Variants in NRG2 observed in about 807,000 individuals in gnomAD.
The protein encoded by NRG2 is pro-neuregulin-2, membrane-bound isoform.
Under a neutral mutation model 73.9 loss-of-function variants are expected in NRG2, and 27 were observed. The observed-to-expected ratio is 0.37, with a 90% CI of 0.27 to 0.50. The LOEUF is 0.50. NRG2 is among the 20% of genes least tolerant of loss of function. The probability of loss-of-function intolerance (pLI) is 0.96; values close to 1 mark genes in which losing one functional copy is unlikely to be tolerated. For missense variants in NRG2, 1,126 were observed against 1,210.1 expected (o/e 0.93, Z 1.03); for synonymous variants, 532 against 541.0 (o/e 0.98, Z 0.23).
rs115265328 is a variant in NRG2 at position 139,852,696 on chromosome 5, G to A, written c.1417-137C>T. The A allele has an allele frequency of 5.3e-4, 754 of 1,426,798 alleles. 3 individuals are homozygous for A. In the African/African-American group the frequency reaches 9.5e-3, roughly 18 times the overall value. 88.4% of individuals were successfully genotyped at this position (1,426,798 alleles called of 1,614,324 possible). On this transcript the variant is annotated intron_variant, in intron 7 of 9. Transcript: ENST00000361474. The surrounding 1 kb of genome is among the most constrained non-coding windows in gnomAD (Gnocchi z 4.4). ...ACTGTGTGAGAGTGACTTGATGTTG[G>A]GGCAGCGATGGCTCCAGCAAATCAA...
chr5:139,909,401 A>G (rs1765447154), intron 1 of NRG2, among the ~76,000 whole-genome samples: 1 of 152,182 alleles, frequency 6.6e-6, no homozygotes, highest in Non-Finnish European at 1.5e-5. Flanking sequence ...CTTGGGAACC[A>G]TGCTGAAGTT....
intron 1 of NRG2, among the ~76,000 whole-genome samples, chr5:139,979,966 C>T: frequency 6.6e-6 from 1 of 152,136 alleles, no homozygotes; most frequent in Non-Finnish European, 1.5e-5. Context: ...TGTGAAAATA[C>T]TCTGTTGGAA....
In NRG2 at chr5:139,853,154, T is replaced by C; in HGVS notation, c.1293-127A>G. ...GGTGGCCATGGCTACTGCTCGTCCC[T>C]GTACTCAAGCTGCCCTACAGCATCA... On this transcript the variant is annotated intron_variant, in intron 6 of 9. Coordinates refer to ENST00000361474, the MANE Select transcript of NRG2 (RefSeq NM_004883.3). The surrounding 1 kb of genome is among the most constrained non-coding windows in gnomAD (Gnocchi z 4.1). 2 of 1,298,312 alleles carry C rather than the reference T, an allele frequency of 1.5e-6. No homozygotes were observed. The highest frequency in any genetic ancestry group is 2.1e-6 in the Non-Finnish European group (2 of 934,688). The allele number at this position is 1,298,312 out of a possible 1,614,324, so 80.4% of individuals were successfully genotyped here. A position where few individuals can be genotyped will look rare whatever the true frequency, so the allele number is the denominator to read the frequency against.
At chr5:139,918,406 A>C (rs1418519724) in intron 1 of NRG2, among the ~76,000 whole-genome samples, 1 of 152,210 alleles carries the variant, frequency 6.6e-6, no homozygotes, top group Admixed American at 6.5e-5. Flanking sequence ...GCTAAAAAAA[A>C]CTAAAGATGA....
chr5:140,026,646 GAAAAT>G (rs1054132177), intron 1 of NRG2, among the ~76,000 whole-genome samples: 2 of 152,068 alleles, frequency 1.3e-5, no homozygotes, highest in African/African-American at 4.8e-5. Flanking sequence ...AAGAAAGAAA[GAAAAT>G]AAAAGTTCCA....
intron 1 of NRG2, among the ~76,000 whole-genome samples, chr5:139,924,774 G>C (rs180882176): frequency 3.3e-5 from 5 of 152,314 alleles, no homozygotes; most frequent in Non-Finnish European, 7.3e-5. Flanking sequence ...CTTGGCACAG[G>C]CTCCCTCAGC....
intron 1 of NRG2, among the ~76,000 whole-genome samples, chr5:140,037,654 A>T (rs897883790): frequency 6.6e-6 from 1 of 152,234 alleles, no homozygotes; most frequent in Admixed American, 6.5e-5. Context: ...TCACGCCTGT[A>T]ATCCAAGCAC....
intron 1 of NRG2, among the ~76,000 whole-genome samples, chr5:139,950,648 C>G (rs1259642435): frequency 2.6e-5 from 4 of 152,222 alleles, no homozygotes; most frequent in Non-Finnish European, 5.9e-5. Context: ...CAAATACTTT[C>G]CACACGCCAG....
chr5:139,932,003 C>T (rs35740825), intron 1 of NRG2, among the ~76,000 whole-genome samples: 20,554 of 152,140 alleles, frequency 0.14, 1,484 homozygotes, highest in South Asian at 0.25. Flanking sequence ...TAGATTGGTA[C>T]GGCCATTATG....
In NRG2 at chr5:139,851,506, T is replaced by C. The variant is rs2126998718; in HGVS notation, c.1772+98A>G. The stretch of plus-strand genomic sequence containing the variant: ...CCCATATGAAAAATGGAGATGAGGC[T>C]CTTTGGAGTGTTTCTGAGGGGCCCT... On this transcript the variant is annotated intron_variant, in intron 9 of 9. Coordinates refer to ENST00000361474, the MANE Select transcript of NRG2 (RefSeq NM_004883.3). This position sits in a 1 kb window ranked among gnomAD's most constrained non-coding sequence, Gnocchi z 4.2. 3 of 1,142,700 alleles carry C rather than the reference T, an allele frequency of 2.6e-6. No individual in the cohort carries two copies. The Middle Eastern group carries it at 7.4e-4, about 281-fold the overall frequency. The allele number at this position is 1,142,700 out of a possible 1,614,324, so 70.8% of individuals were successfully genotyped here. A position where few individuals can be genotyped will look rare whatever the true frequency, so the allele number is the denominator to read the frequency against.
chr5:139,912,321 TTCTC>T (rs548017299), intron 1 of NRG2, among the ~76,000 whole-genome samples: 28 of 152,168 alleles, frequency 1.8e-4, no homozygotes, highest in African/African-American at 5.3e-4. Context: ...AAAAATTCTC[TTCTC>T]TCTCTCAGCT....
Position 139,848,480 on chromosome 5 carries a change from G to C in NRG2, c.1990C>G (p.Pro664Ala), listed in dbSNP as rs554473987. 62 of 1,339,556 alleles carry C rather than the reference G, an allele frequency of 4.6e-5. No homozygotes were observed. The highest frequency in any genetic ancestry group is 3.9e-4 in the South Asian group (20 of 51,186). 83.0% of individuals were successfully genotyped at this position (1,339,556 alleles called of 1,614,324 possible). A position where few individuals can be genotyped will look rare whatever the true frequency, so the allele number is the denominator to read the frequency against. Reference protein sequence around the residue: ...PGPGPGPGPGPGPGADMQRSY... With the variant: ...PGPGPGPGPGAGPGADMQRSY... ...CGCTGCATGTCTGCGCCGGGCCCGG[G>C]CCCGGGCCCGGGTCCGGGTCCCGGG... Residue 664 changes from proline to alanine, a missense_variant, in exon 10 of 10, where the codon CCC becomes GCC. Pro to Ala is a conservative substitution (Grantham distance 27). Around this residue, in one of 3 missense-constraint regions of NRG2, gnomAD observed 402 missense variants for 357.8 expected, o/e 1.12. Transcript: ENST00000361474.
rs532189022 is a variant in NRG2 at position 139,999,451 on chromosome 5, C to G, written c.700+42919G>C. ...TCTGAAAAGTTTTCTCTGTAATGCACCAGGCTCCTCAATAATCCACCAGGT... is the reference window on the plus strand; with the variant it reads ...TCTGAAAAGTTTTCTCTGTAATGCAGCAGGCTCCTCAATAATCCACCAGGT... On this transcript the variant is annotated intron_variant, in intron 1 of 9. Transcript: ENST00000361474. Among the ~76,000 whole-genome samples the G allele has an allele frequency of 2.0e-5, 3 of 152,272 alleles. No homozygotes were observed. In the East Asian group the frequency reaches 5.8e-4, roughly 29 times the overall value.
intron 5 of NRG2, among the ~76,000 whole-genome samples, chr5:139,858,015 C>T (rs534941174): frequency 5.9e-4 from 90 of 152,320 alleles, no homozygotes; most frequent in African/African-American, 2.1e-3. Context: ...TGCCCCCAGC[C>T]CAGGCTGTTG....
chr5:139,990,594 T>C (rs1757545723), intron 1 of NRG2, among the ~76,000 whole-genome samples: 1 of 152,158 alleles, frequency 6.6e-6, no homozygotes, highest in Admixed American at 6.5e-5. Flanking sequence ...GCTTGAGCCA[T>C]GGTGCCCAGC....
intron 1 of NRG2, among the ~76,000 whole-genome samples, chr5:140,024,354 A>G (rs898279262): frequency 1.3e-5 from 2 of 150,662 alleles, no homozygotes; most frequent in Admixed American, 6.6e-5. Flanking sequence ...TCCCGGGTTC[A>G]CGTCATTCTC....
rs535125196 is a variant in NRG2, at chr5:140,042,467, C to G, written c.603G>C (p.Thr201=). ...NQRYIFFLEP[T]EQPLVFKTAF... is the part of the protein sequence containing the mutation. ...CCGTCTTAAAGACTAAGGGCTGTTC[C>G]GTGGGCTCCAGGAAAAAGATGTAGC... Residue 201 remains threonine (T), a synonymous_variant, in exon 1 of 10, where the codon ACG becomes ACC. Transcript: ENST00000361474. 6.8e-6 allele frequency: 11 copies of G among 1,613,360 alleles called. No homozygotes were observed. The highest frequency in any genetic ancestry group is 9.3e-6 in the Non-Finnish European group (11 of 1,179,776).
chr5:139,914,745 T>G (rs771054560), intron 1 of NRG2, among the ~76,000 whole-genome samples: 1 of 152,226 alleles, frequency 6.6e-6, no homozygotes, highest in Non-Finnish European at 1.5e-5. Context: ...GCCCGTTTCT[T>G]AGTTCTGTTT....
Position 139,865,403 on chromosome 5 carries a change from C to A in NRG2, c.1189+146G>T. On this transcript the variant is annotated intron_variant, in intron 5 of 9. Transcript: ENST00000361474. This position sits in a 1 kb window ranked among gnomAD's most constrained non-coding sequence, Gnocchi z 5.2. ...AACAAAACAAAAAGAACTAACAAAC[C>A]AAAATACAAAAAAGAAAAGAGAAAC... 1.3e-6 allele frequency: 1 copy of A among 746,644 alleles called. No individual in the cohort carries two copies. Among genetic ancestry groups the A allele is most frequent in the South Asian group, 1.6e-5 (1 of 61,100 alleles). The allele number at this position is 746,644 out of a possible 1,614,324, so 46.3% of individuals were successfully genotyped here. A position where few individuals can be genotyped will look rare whatever the true frequency, so the allele number is the denominator to read the frequency against.
Sources: allele counts gnomAD v4.1 joint callset (sites outside exome capture counted in the v4.1 genomes callset), GRCh38; gene constraint gnomAD v4.1.1; regional missense constraint gnomAD v4.1.1; non-coding constraint Gnocchi (gnomAD v3.1); transcripts MANE v1.5; gene names NCBI Gene and HGNC (gene_info 2026-07-23, HGNC 2026-07-21).